Variants in FGF7 observed in about 807,000 individuals in gnomAD.
The protein encoded by FGF7 is fibroblast growth factor 7, also known as FGF-7.
Under a neutral mutation model 20.5 loss-of-function variants are expected in FGF7, and 6 were observed. The observed-to-expected ratio is 0.29, with a 90% CI of 0.16 to 0.58. The LOEUF (loss-of-function observed/expected upper bound fraction) is 0.58. FGF7 is among the 20% of genes least tolerant of loss of function. The pLI, the probability that FGF7 is intolerant of heterozygous loss-of-function variation, is 0.90. For missense variants in FGF7, 144 were observed against 228.8 expected (o/e 0.63, Z 2.39); for synonymous variants, 64 against 74.7 (o/e 0.86, Z 0.74).
In FGF7 at chr15:49,479,599, G is replaced by GTTTTTTTTTT. The variant is rs56097665; in HGVS notation, c.287-3532_287-3523dup. On this transcript the variant is annotated intron_variant, in intron 2 of 3. Transcript: ENST00000267843. ...GTAGGATTTCATAGTTAATACCTCT[G>GTTTTTTTTTT]TTTTTTTTTTTTTTTTTTTTTTTTT... is the stretch of plus-strand genomic sequence containing the variant. Among the ~76,000 whole-genome samples the GTTTTTTTTTT allele has an allele frequency of 6.2e-4, 39 of 63,322 alleles. 6 individuals are homozygous for GTTTTTTTTTT. Among genetic ancestry groups the GTTTTTTTTTT allele is most frequent in the African/African-American group, 2.4e-3 (38 of 15,940 alleles). 41.5% of individuals were successfully genotyped at this position (63,322 alleles called of 152,430 possible).
chr15:49,470,308 A>G (rs1459827429), intron 2 of FGF7, among the ~76,000 whole-genome samples: 5 of 152,170 alleles, frequency 3.3e-5, no homozygotes, highest in Non-Finnish European at 7.4e-5. Context: ...CATTATCACT[A>G]TATTTTAAAA....
chr15:49,444,577 G>C (rs1478059181), intron 2 of FGF7, among the ~76,000 whole-genome samples: 1 of 151,648 alleles, frequency 6.6e-6, no homozygotes, highest in Non-Finnish European at 1.5e-5. Context: ...AGAACATAAG[G>C]TTTATCTCAA....
intron 2 of FGF7, among the ~76,000 whole-genome samples, chr15:49,480,474 ATTTTTTT>A (rs35283556): frequency 4.0e-5 from 4 of 100,914 alleles, no homozygotes; most frequent in African/African-American, 1.2e-4. Flanking sequence ...TGCCCAACTA[ATTTTTTT>A]TTTTTTTTTT....
intron 2 of FGF7, among the ~76,000 whole-genome samples, chr15:49,442,395 C>T (rs1264610631): frequency 6.6e-6 from 1 of 151,616 alleles, no homozygotes; most frequent in African/African-American, 2.4e-5. Context: ...TGCTGAGTAC[C>T]TTGTGAGAGT....
Position 49,488,523 on chromosome 15 carries a change from C to T in FGF7, c.*4019C>T, listed in dbSNP as rs2056599053. The T allele has an allele frequency of 6.6e-6, 1 of 151,956 alleles. No homozygotes were observed. The highest frequency in any genetic ancestry group is 6.6e-5 in the Admixed American group (1 of 15,210). The allele number at this position is 151,956 out of a possible 1,614,324, so 9.4% of individuals were successfully genotyped here. On this transcript the variant is annotated 3_prime_UTR_variant, in exon 4 of 4. Coordinates refer to ENST00000267843, the MANE Select transcript of FGF7 (RefSeq NM_002009.4). ...CACTTCTCAAGGAACCAGATATTTA[C>T]TCTCATCTGGGAAGATGCCTCTTAT...
At chr15:49,442,620 T>C (rs2051773389) in intron 2 of FGF7, among the ~76,000 whole-genome samples, 1 of 151,732 alleles carries the variant, frequency 6.6e-6, no homozygotes, top group South Asian at 2.1e-4. Context: ...GTGCTTTGCA[T>C]AGAGTAGTTA....
At chr15:49,463,550 CA>C (rs34545202) in intron 2 of FGF7, among the ~76,000 whole-genome samples, 3,702 of 125,816 alleles carry the variant, frequency 0.029, 64 homozygotes, top group African/African-American at 0.037. Context: ...GATTCCGTCT[CA>C]AAAAAAAAAA....
intron 2 of FGF7, among the ~76,000 whole-genome samples, chr15:49,473,398 C>A (rs1377782146): frequency 6.6e-6 from 1 of 152,024 alleles, no homozygotes. Context: ...TAAAATAACT[C>A]CAAAATTCGC....
chr15:49,440,836 A>T (rs2051567928), intron 2 of FGF7, among the ~76,000 whole-genome samples: 1 of 151,728 alleles, frequency 6.6e-6, no homozygotes, highest in Non-Finnish European at 1.5e-5. Flanking sequence ...TTTGTTATAT[A>T]ACATTCTGAA....
At chr15:49,430,021 A>G (rs1157030080) in intron 2 of FGF7, among the ~76,000 whole-genome samples, 1 of 151,810 alleles carries the variant, frequency 6.6e-6, no homozygotes, top group Admixed American at 6.6e-5. Context: ...GTTAACTTGA[A>G]CCCTAGAGGA....
chr15:49,459,297 T>G (rs549015112), intron 2 of FGF7, among the ~76,000 whole-genome samples: 1 of 152,270 alleles, frequency 6.6e-6, no homozygotes, highest in South Asian at 2.1e-4. Context: ...CTGCATTAGG[T>G]GCTTTCTAGG....
At chr15:49,428,386 CAGA>C (rs1276694928) in intron 2 of FGF7, among the ~76,000 whole-genome samples, 4 of 151,914 alleles carry the variant, frequency 2.6e-5, no homozygotes, top group African/African-American at 9.7e-5. Flanking sequence ...ATTTTCTCTG[CAGA>C]AGAAGAAGAG....
At chr15:49,439,562 TA>T (rs775572816) in intron 2 of FGF7, among the ~76,000 whole-genome samples, 19 of 151,738 alleles carry the variant, frequency 1.3e-4, no homozygotes, top group Non-Finnish European at 2.2e-4. Context: ...AAATTCTAAG[TA>T]CACATAAAAT....
At chr15:49,482,316 C>T (rs1187702377) in intron 2 of FGF7, among the ~76,000 whole-genome samples, 5 of 151,882 alleles carry the variant, frequency 3.3e-5, no homozygotes, top group Admixed American at 1.3e-4. Flanking sequence ...AGTAAGTTAC[C>T]ATTCTTGTGT....
At position 49,487,099 on chromosome 15, in the gene FGF7, A is replaced by G. The variant is rs1299919359; in HGVS notation, c.*2595A>G. 6.6e-6 allele frequency: 1 copy of G among 151,898 alleles called. No individual in the cohort carries two copies. Among genetic ancestry groups the G allele is most frequent in the Non-Finnish European group, 1.5e-5 (1 of 67,878 alleles). 9.4% of individuals were successfully genotyped at this position (151,898 alleles called of 1,614,324 possible). A position where few individuals can be genotyped will look rare whatever the true frequency, so the allele number is the denominator to read the frequency against. On this transcript the variant is annotated 3_prime_UTR_variant, in exon 4 of 4. Coordinates refer to ENST00000267843, the MANE Select transcript of FGF7 (RefSeq NM_002009.4). Reference sequence around the variant, plus strand: ...AGATATAGCCTTTACATTTGTACACAAATGTGACTATGTCTTGGCAATGCA... The same window carrying G: ...AGATATAGCCTTTACATTTGTACACGAATGTGACTATGTCTTGGCAATGCA...
At chr15:49,471,880 C>T (rs1269597352) in intron 2 of FGF7, among the ~76,000 whole-genome samples, 3 of 152,164 alleles carry the variant, frequency 2.0e-5, no homozygotes, top group African/African-American at 7.2e-5. Flanking sequence ...AATGCTGACA[C>T]ATGCAGGAAT....
intron 2 of FGF7, among the ~76,000 whole-genome samples, chr15:49,466,013 G>C (rs2054237854): frequency 1.3e-5 from 2 of 152,092 alleles, no homozygotes; most frequent in South Asian, 4.1e-4. Flanking sequence ...TTAAAAACAG[G>C]CAAAATTTAT....
chr15:49,427,065 T>C (rs189913241), intron 2 of FGF7, among the ~76,000 whole-genome samples: 3 of 152,006 alleles, frequency 2.0e-5, no homozygotes, highest in East Asian at 1.9e-4. Flanking sequence ...GAAGAATATA[T>C]GGAGAATAAC....
intron 2 of FGF7, 65 bp downstream of exon 2, chr15:49,424,648 T>C (rs16962440): frequency 0.57 from 709,698 of 1,250,728 alleles, 203,587 homozygotes; most frequent in Admixed American, 0.67. Context: ...TTTCAGGTGA[T>C]ATGTTTTCTC....
Sources: allele counts gnomAD v4.1 joint callset (sites outside exome capture counted in the v4.1 genomes callset), GRCh38; gene constraint gnomAD v4.1.1; transcripts MANE v1.5; gene names NCBI Gene and HGNC (gene_info 2026-07-23, HGNC 2026-07-21).